PDE1A: variants seen among roughly 807,000 people sequenced by gnomAD.
PDE1A encodes dual specificity calcium/calmodulin-dependent 3',5'-cyclic nucleotide phosphodiesterase 1A.
PDE1A carries 35 observed loss-of-function variants against 61.7 expected under a neutral mutation model. That is an observed-to-expected ratio of 0.57 (90% CI 0.43 to 0.75). The LOEUF is 0.75. Ranked by LOEUF, PDE1A falls within the 30% of genes least tolerant of loss-of-function variation. PDE1A has a pLI of 0.00. For synonymous variants in PDE1A, 232 were observed against 213.2 expected, an observed-to-expected ratio of 1.09 and a Z score of -0.77; for missense variants, 597 against 630.6, an observed-to-expected ratio of 0.95 and a Z score of 0.57.
chr2:182,198,179 T>A lies in PDE1A; in HGVS notation c.1125+3260A>T, dbSNP rs148106328. Among the ~76,000 whole-genome samples, 65 of 152,030 alleles carry A rather than the reference T, an allele frequency of 4.3e-4. No homozygotes were observed. The East Asian group carries it at 6.7e-3, about 16-fold the overall frequency. ...TGTTATAAAGCATACTGTTTTCAAT[T>A]TTTATTTTCAAATTGTTTGCAGCTT... On this transcript the variant is annotated intron_variant, in intron 10 of 13. Transcript: ENST00000351439.
chr2:182,419,059 C>T (rs1574611104), intron 1 of PDE1A, among the ~76,000 whole-genome samples: 1 of 145,522 alleles, frequency 6.9e-6, no homozygotes. Context: ...TGTTCCAGTT[C>T]CACTAAAAGA....
intron 1 of PDE1A, among the ~76,000 whole-genome samples, chr2:182,382,616 G>A (rs1017044350): frequency 6.6e-6 from 1 of 151,952 alleles, no homozygotes; most frequent in African/African-American, 2.4e-5. Flanking sequence ...GGTGTCATAA[G>A]CTACTGTTTA....
chr2:182,198,184 T>A (rs986629279), intron 10 of PDE1A, among the ~76,000 whole-genome samples: 1 of 151,946 alleles, frequency 6.6e-6, no homozygotes, highest in Non-Finnish European at 1.5e-5. Context: ...TCAATTTTTA[T>A]TTTCAAATTG....
the PDE1A span, among the ~76,000 whole-genome samples, chr2:182,691,742 C>A: frequency 2.1e-3 from 316 of 152,118 alleles, 2 homozygotes; most frequent in African/African-American, 7.4e-3. Flanking sequence ...AGTAGACAGG[C>A]AACCTACAGA....
chr2:182,287,871 T>A (rs1694266898), intron 1 of PDE1A, among the ~76,000 whole-genome samples: 1 of 152,128 alleles, frequency 6.6e-6, no homozygotes, highest in Non-Finnish European at 1.5e-5. Flanking sequence ...TGAAGGAAAT[T>A]TTATATTTAT....
At chr2:182,561,373 A>C in the PDE1A span, among the ~76,000 whole-genome samples, 1,705 of 151,566 alleles carry the variant, frequency 0.011, 35 homozygotes, top group African/African-American at 0.039. Context: ...TGTAGATATG[A>C]GGTGTTATTT....
the PDE1A span, among the ~76,000 whole-genome samples, chr2:182,687,361 C>T: frequency 6.6e-6 from 1 of 152,232 alleles, no homozygotes; most frequent in African/African-American, 2.4e-5. Flanking sequence ...CAGACAGCAA[C>T]ATTCGCTGTT....
chr2:182,380,133 CAG>C (rs1220431830), intron 1 of PDE1A, among the ~76,000 whole-genome samples: 16 of 109,410 alleles, frequency 1.5e-4, no homozygotes, highest in African/African-American at 5.4e-4. Flanking sequence ...TTTTTTGAGA[CAG>C]AGTCTTGCTC....
intron 2 of PDE1A, among the ~76,000 whole-genome samples, chr2:182,512,740 A>T (rs183841583): frequency 1.3e-5 from 2 of 152,320 alleles, no homozygotes; most frequent in East Asian, 3.9e-4. Flanking sequence ...ACAAAATAGC[A>T]ATTTTAAGAA....
chr2:182,680,383 GT>G, the PDE1A span, among the ~76,000 whole-genome samples: 1 of 151,682 alleles, frequency 6.6e-6, no homozygotes, highest in African/African-American at 2.4e-5. Context: ...GCTAATTTTT[GT>G]TTTTTTTGTA....
At chr2:182,385,872 C>CGTCTCCCTCTCTCTCCACG (rs1701037174) in intron 1 of PDE1A, among the ~76,000 whole-genome samples, 1 of 148,882 alleles carries the variant, frequency 6.7e-6, no homozygotes, top group Non-Finnish European at 1.5e-5. Flanking sequence ...TCTCCCTCTC[C>CGTCTCCCTCTCTCTCCACG]GTCTCCCTCT....
At chr2:182,545,531 T>A in the PDE1A span, among the ~76,000 whole-genome samples, 5 of 152,294 alleles carry the variant, frequency 3.3e-5, no homozygotes, top group East Asian at 7.7e-4. Context: ...AATACTATAG[T>A]GGAAAAGACA....
intron 1 of PDE1A, among the ~76,000 whole-genome samples, chr2:182,414,449 G>C (rs1417658678): frequency 6.6e-6 from 1 of 152,082 alleles, no homozygotes; most frequent in South Asian, 2.1e-4. Context: ...TAAACTCACA[G>C]ATCTAAGGTG....
At chr2:182,608,720 C>T in the PDE1A span, among the ~76,000 whole-genome samples, 1 of 152,222 alleles carries the variant, frequency 6.6e-6, no homozygotes, top group African/African-American at 2.4e-5. Context: ...CCTCCCCGAC[C>T]AGCGCCGCCC....
chr2:182,410,463 C>A (rs1452209804), intron 1 of PDE1A, among the ~76,000 whole-genome samples: 1 of 152,070 alleles, frequency 6.6e-6, no homozygotes, highest in Non-Finnish European at 1.5e-5. Context: ...AGTAAATATG[C>A]ATATTTTATG....
intron 2 of PDE1A, among the ~76,000 whole-genome samples, chr2:182,482,052 A>T (rs1687734063): frequency 6.6e-6 from 1 of 152,020 alleles, no homozygotes; most frequent in African/African-American, 2.4e-5. Context: ...TTCACTACCT[A>T]TTCACAAGAA....
At chr2:182,423,136 A>G (rs1703385156) in intron 1 of PDE1A, among the ~76,000 whole-genome samples, 1 of 152,212 alleles carries the variant, frequency 6.6e-6, no homozygotes, top group Non-Finnish European at 1.5e-5. Context: ...GAGATAATAT[A>G]AACTCCTGCC....
chr2:182,542,888 T>C, the PDE1A span, among the ~76,000 whole-genome samples: 1,677 of 152,342 alleles, frequency 0.011, 19 homozygotes, highest in Middle Eastern at 0.034. Context: ...TATGTCTTCA[T>C]GTCCAAAAGC....
the PDE1A span, among the ~76,000 whole-genome samples, chr2:182,606,081 CTG>C: frequency 6.6e-6 from 1 of 152,132 alleles, no homozygotes; most frequent in Non-Finnish European, 1.5e-5. Context: ...ATTACAATGA[CTG>C]TGGAAGATAG....
Sources: gnomAD v4.1 joint callset for allele counts (sites outside exome capture counted in the v4.1 genomes callset) on GRCh38, gnomAD v4.1.1 for gene constraint, MANE v1.5 for transcripts, NCBI Gene and HGNC (gene_info 2026-07-23, HGNC 2026-07-21) for gene names.